Variants in SEZ6L observed in about 807,000 individuals in gnomAD.
SEZ6L encodes seizure related 6 homolog like, also known as seizure 6-like protein.
Under a neutral mutation model 106.2 loss-of-function variants are expected in SEZ6L, and 37 were observed. The ratio of observed to expected loss-of-function variants is 0.35; its 90% CI spans 0.27 to 0.46. The LOEUF is 0.46. SEZ6L is among the 20% of genes least tolerant of loss of function. The pLI, the probability that SEZ6L is intolerant of heterozygous loss-of-function variation, is 1.00. For missense variants in SEZ6L, 1,172 were observed against 1,332.8 expected (o/e 0.88, Z 1.88); for synonymous variants, 541 against 570.4 (o/e 0.95, Z 0.73).
intron 10 of SEZ6L, among the ~76,000 whole-genome samples, chr22:26,343,852 C>T (rs1054445017): frequency 5.3e-5 from 8 of 152,150 alleles, no homozygotes; most frequent in African/African-American, 1.2e-4. Context: ...GCAAATAGAC[C>T]GTTCTAGCTA....
chr22:26,253,932 G>A (rs1189620944), intron 1 of SEZ6L: 2 of 152,136 alleles, frequency 1.3e-5, no homozygotes, highest in Non-Finnish European at 2.9e-5. Context: ...AAATCTGGAC[G>A]ACAAAACACA....
At chr22:26,259,281 A>C (rs1185315061) in intron 1 of SEZ6L, among the ~76,000 whole-genome samples, 2 of 152,226 alleles carry the variant, frequency 1.3e-5, no homozygotes, top group East Asian at 1.9e-4. Context: ...AATTGTTGAT[A>C]TCTCTCTCTA....
intron 1 of SEZ6L, chr22:26,254,151 G>T (rs2079720228): frequency 6.6e-6 from 1 of 152,166 alleles, no homozygotes; most frequent in African/African-American, 2.4e-5. Context: ...AAGCTCAGGG[G>T]CTTTGTGATT....
At position 26,297,098 on chromosome 22, in the gene SEZ6L, C is replaced by A; in HGVS notation, c.1162+18C>A. 3.2e-6 allele frequency: 5 copies of A among 1,567,888 alleles called. No homozygotes were observed. Among genetic ancestry groups the A allele is most frequent in the Non-Finnish European group, 4.3e-6 (5 of 1,154,380 alleles). On this transcript the variant is annotated intron_variant, in intron 4 of 16. Transcript: ENST00000248933. Reference sequence around the variant, plus strand: ...CTACCAGGGTAGGGTCAGGCCAAGGCTGATGAAACATAGGCGTTTGCCTCA... The same window carrying A: ...CTACCAGGGTAGGGTCAGGCCAAGGATGATGAAACATAGGCGTTTGCCTCA...
chr22:26,326,378 C>G (rs979497370), intron 9 of SEZ6L, among the ~76,000 whole-genome samples: 1 of 152,182 alleles, frequency 6.6e-6, no homozygotes, highest in African/African-American at 2.4e-5. Context: ...TGAGCGCATA[C>G]CATGTGGCTA....
intron 1 of SEZ6L, among the ~76,000 whole-genome samples, chr22:26,262,095 A>G (rs1489910944): frequency 1.3e-5 from 2 of 151,942 alleles, no homozygotes; most frequent in Non-Finnish European, 2.9e-5. Flanking sequence ...AGTGAGTTCT[A>G]TGAGACAAAA....
At chr22:26,219,256 T>TTTTC (rs1407699302) in intron 1 of SEZ6L, among the ~76,000 whole-genome samples, 1 of 53,476 alleles carries the variant, frequency 1.9e-5, no homozygotes, top group Non-Finnish European at 4.8e-5. Flanking sequence ...AAATACAAGT[T>TTTTC]TTTTTTTTTT....
intron 1 of SEZ6L, among the ~76,000 whole-genome samples, chr22:26,214,591 C>A (rs2078247358): frequency 6.6e-6 from 1 of 152,186 alleles, no homozygotes; most frequent in Admixed American, 6.5e-5. Flanking sequence ...GTCGGATCTC[C>A]TGCGGAATTT....
chr22:26,183,647 C>A (rs1361060775), intron 1 of SEZ6L, among the ~76,000 whole-genome samples: 1 of 152,188 alleles, frequency 6.6e-6, no homozygotes, highest in East Asian at 1.9e-4. Context: ...TCCAACGGGG[C>A]CTGCTGAGAG....
At chr22:26,326,160 C>T (rs925008021) in intron 9 of SEZ6L, among the ~76,000 whole-genome samples, 4 of 152,198 alleles carry the variant, frequency 2.6e-5, no homozygotes, top group Admixed American at 6.5e-5. Context: ...GGCCACGCCA[C>T]GCTCTTCTCG....
intron 1 of SEZ6L, among the ~76,000 whole-genome samples, chr22:26,290,979 G>A (rs532710648): frequency 2.0e-4 from 31 of 152,286 alleles, no homozygotes; most frequent in African/African-American, 7.0e-4. Context: ...TTACACTGTT[G>A]GTGGGAATGT....
chr22:26,293,297 T>C (rs2081198786), intron 2 of SEZ6L, 151 bp downstream of exon 2: 1 of 1,168,486 alleles, frequency 8.6e-7, no homozygotes, highest in African/African-American at 1.5e-5. Context: ...GCCCTGTGGC[T>C]CAGAATTAAT....
At chr22:26,287,140 A>C (rs1293642296) in intron 1 of SEZ6L, among the ~76,000 whole-genome samples, 2 of 152,042 alleles carry the variant, frequency 1.3e-5, no homozygotes, top group East Asian at 3.9e-4. Context: ...TGGGAGAGAA[A>C]GAGAGATACG....
At chr22:26,233,393 C>T (rs1037702838) in intron 1 of SEZ6L, among the ~76,000 whole-genome samples, 2 of 152,112 alleles carry the variant, frequency 1.3e-5, no homozygotes, top group Admixed American at 1.3e-4. Context: ...CTGGAGGAGC[C>T]TCCCCGAAGT....
At chr22:26,380,207 C>T in intron 16 of SEZ6L, 59 bp from the exon 17 acceptor site, 2 of 1,545,826 alleles carry the variant, frequency 1.3e-6, no homozygotes, top group South Asian at 1.1e-5. Context: ...CTGCATCCCC[C>T]TATGTATATC....
chr22:26,192,136 C>T (rs1257573480), intron 1 of SEZ6L, among the ~76,000 whole-genome samples: 1 of 152,156 alleles, frequency 6.6e-6, no homozygotes, highest in Non-Finnish European at 1.5e-5. Context: ...ATCTGTTCAT[C>T]ACATCCTGTC....
At chr22:26,233,821 C>T (rs2078874545) in intron 1 of SEZ6L, among the ~76,000 whole-genome samples, 1 of 152,062 alleles carries the variant, frequency 6.6e-6, no homozygotes, top group Non-Finnish European at 1.5e-5. Flanking sequence ...ATGTGGTTCC[C>T]TAGAAAGGTA....
intron 1 of SEZ6L, among the ~76,000 whole-genome samples, chr22:26,273,160 C>G (rs186122860): frequency 6.6e-6 from 1 of 152,368 alleles, no homozygotes; most frequent in Admixed American, 6.5e-5. Context: ...CTCCCTTTCT[C>G]TGTGTCACAA....
At chr22:26,280,711 A>T (rs2080735372) in intron 1 of SEZ6L, among the ~76,000 whole-genome samples, 1 of 152,196 alleles carries the variant, frequency 6.6e-6, no homozygotes, top group Non-Finnish European at 1.5e-5. Flanking sequence ...CTATATTGAC[A>T]TAGGGTTGAA....
Sources: allele counts gnomAD v4.1 joint callset (sites outside exome capture counted in the v4.1 genomes callset), GRCh38; gene constraint gnomAD v4.1.1; transcripts MANE v1.5; gene names NCBI Gene and HGNC (gene_info 2026-07-23, HGNC 2026-07-21).